Variants in CLASP1 observed in about 807,000 individuals in gnomAD.
CLASP1 encodes the protein cytoplasmic linker associated protein 1, also known as CLIP-associating protein 1.
A neutral mutation model predicts 192.3 loss-of-function variants in CLASP1; 38 were observed. The ratio of observed to expected loss-of-function variants is 0.20; its 90% CI spans 0.15 to 0.26. The LOEUF (loss-of-function observed/expected upper bound fraction) is 0.26, where lower values mean the gene tolerates loss of function less well. Among genes scored for constraint, CLASP1 ranks in the 10% least tolerant of loss-of-function variants. CLASP1 has a pLI of 1.00. For synonymous variants in CLASP1, 691 were observed against 712.8 expected (o/e 0.97, Z 0.49); for missense variants, 1,433 against 1,932.5 (o/e 0.74, Z 4.85).
chr2:121,643,766 A>G (rs186289108), intron 1 of CLASP1, among the ~76,000 whole-genome samples: 11 of 152,230 alleles, frequency 7.2e-5, no homozygotes, highest in Non-Finnish European at 1.2e-4. Flanking sequence ...AGGAACATCT[A>G]TTCATCTATT....
At chr2:121,421,757 G>C (rs1176216502) in intron 22 of CLASP1, among the ~76,000 whole-genome samples, 1 of 151,992 alleles carries the variant, frequency 6.6e-6, no homozygotes, top group Non-Finnish European at 1.5e-5. Flanking sequence ...TGGTCAGGCT[G>C]GTCTCCAACT....
intron 20 of CLASP1, among the ~76,000 whole-genome samples, chr2:121,427,821 C>A (rs1353064800): frequency 1.3e-5 from 2 of 152,176 alleles, no homozygotes; most frequent in African/African-American, 2.4e-5. Context: ...TAACTAGTTT[C>A]ACCTGTCCTG....
At chr2:121,529,250 T>G (rs1414359733) in intron 3 of CLASP1, among the ~76,000 whole-genome samples, 1 of 152,140 alleles carries the variant, frequency 6.6e-6, no homozygotes, top group Admixed American at 6.5e-5. Flanking sequence ...AGAGCCCAGC[T>G]CTCCATCTTC....
intron 1 of CLASP1, among the ~76,000 whole-genome samples, chr2:121,647,440 C>T (rs1426177619): frequency 6.6e-6 from 1 of 152,100 alleles, no homozygotes; most frequent in South Asian, 2.1e-4. Context: ...TGACAAACTT[C>T]ATGTTCTTCT....
chr2:121,372,690 A>G (rs754181087), intron 34 of CLASP1, among the ~76,000 whole-genome samples: 25 of 152,168 alleles, frequency 1.6e-4, no homozygotes, highest in Admixed American at 2.6e-4. Flanking sequence ...TTCCTTCTGA[A>G]TTATTCTCCA....
intron 2 of CLASP1, among the ~76,000 whole-genome samples, chr2:121,585,649 C>T (rs142230860): frequency 1.1e-3 from 173 of 152,226 alleles, no homozygotes; most frequent in African/African-American, 4.1e-3. Context: ...GCCTTTATCC[C>T]AGCACTTTGG....
intron 33 of CLASP1, among the ~76,000 whole-genome samples, chr2:121,378,377 T>C (rs1574043001): frequency 6.6e-6 from 1 of 152,208 alleles, no homozygotes; most frequent in South Asian, 2.1e-4. Flanking sequence ...GAAATATTTG[T>C]TGTTCACAGA....
chr2:121,398,164 T>C (rs1241528328), intron 29 of CLASP1, among the ~76,000 whole-genome samples, 158 bp downstream of exon 30: 3 of 152,234 alleles, frequency 2.0e-5, no homozygotes, highest in African/African-American at 7.2e-5. Context: ...TACTAGGTAC[T>C]GAACCAAGAG....
chr2:121,573,843 AC>A (rs2060204741), intron 2 of CLASP1, among the ~76,000 whole-genome samples: 1 of 152,174 alleles, frequency 6.6e-6, no homozygotes, highest in South Asian at 2.1e-4. Flanking sequence ...GCCTAAAAAA[AC>A]AAAACAAAAC....
exon 35 of CLASP1, chr2:121,367,664 TGAGTAG>T (rs2067692224): frequency 1.9e-6 from 3 of 1,613,880 alleles, no homozygotes; most frequent in Non-Finnish European, 2.5e-6. Context: ...TGATGGCATC[TGAGTAG>T]GGGTACGGGT....
chr2:121,343,410 G>A (rs1374170845), intron 39 of CLASP1, among the ~76,000 whole-genome samples: 1 of 152,122 alleles, frequency 6.6e-6, no homozygotes, highest in Non-Finnish European at 1.5e-5. Flanking sequence ...CCAGAAGGTG[G>A]AAGCAACCCA....
intron 8 of CLASP1, chr2:121,490,288 T>C: frequency 2.2e-6 from 1 of 455,234 alleles, no homozygotes; most frequent in South Asian, 1.6e-5. Flanking sequence ...CCAGTAGTCA[T>C]GATTGTCAGT....
At chr2:121,598,355 G>A (rs1259976664) in intron 2 of CLASP1, among the ~76,000 whole-genome samples, 1 of 152,200 alleles carries the variant, frequency 6.6e-6, no homozygotes, top group African/African-American at 2.4e-5. Context: ...AGTGAGAGAG[G>A]CAAGTTTTTC....
intron 1 of CLASP1, among the ~76,000 whole-genome samples, chr2:121,634,723 A>G (rs1278419954): frequency 1.3e-5 from 2 of 152,198 alleles, no homozygotes; most frequent in South Asian, 2.1e-4. Flanking sequence ...CACGCCAATC[A>G]CTGCCAACAG....
At chr2:121,341,334 G>A (rs1380941580) in intron 39 of CLASP1, among the ~76,000 whole-genome samples, 3 of 152,192 alleles carry the variant, frequency 2.0e-5, no homozygotes, top group Non-Finnish European at 4.4e-5. Context: ...TGAGAACCCC[G>A]CTCCACAGGG....
intron 2 of CLASP1, among the ~76,000 whole-genome samples, chr2:121,577,549 T>C (rs1201856539): frequency 6.6e-6 from 1 of 152,150 alleles, no homozygotes; most frequent in Non-Finnish European, 1.5e-5. Flanking sequence ...TTCCCCACAG[T>C]GTGGGCATCT....
At chr2:121,478,371 C>T (rs188936531) in intron 8 of CLASP1, among the ~76,000 whole-genome samples, 10 of 152,184 alleles carry the variant, frequency 6.6e-5, no homozygotes, top group Admixed American at 5.2e-4. Flanking sequence ...GAGGCCAAGG[C>T]GGGCGGACTG....
chr2:121,456,330 C>T (rs891698185), intron 14 of CLASP1, among the ~76,000 whole-genome samples: 7 of 149,734 alleles, frequency 4.7e-5, no homozygotes, highest in Admixed American at 6.6e-5. Flanking sequence ...ATGAGACCCC[C>T]GTCTCTAAAA....
chr2:121,416,932 T>C (rs1164909170), intron 23 of CLASP1, among the ~76,000 whole-genome samples: 1 of 152,226 alleles, frequency 6.6e-6, no homozygotes, highest in Non-Finnish European at 1.5e-5. Flanking sequence ...TGAGCAATGC[T>C]GTTGTTCTTG....
Sources: allele counts gnomAD v4.1 joint callset (sites outside exome capture counted in the v4.1 genomes callset), GRCh38; gene constraint gnomAD v4.1.1; transcripts MANE v1.5; gene names NCBI Gene and HGNC (gene_info 2026-07-23, HGNC 2026-07-21).